The following NXPE4 variants were observed in gnomAD, a reference collection of about 807,000 sequenced individuals.
NXPE4 encodes the protein neurexophilin and PC-esterase domain family member 4, also known as NXPE family member 4.
Under a neutral mutation model 33.3 loss-of-function variants are expected in NXPE4, and 42 were observed. The ratio of observed to expected loss-of-function variants is 1.26; its 90% CI spans 0.98 to 1.63. NXPE4 has a LOEUF of 1.63. NXPE4 is among the 40% of genes most tolerant of loss of function. The pLI, the probability that NXPE4 is intolerant of heterozygous loss-of-function variation, is 0.00. For synonymous variants in NXPE4, 253 were observed against 234.9 expected (o/e 1.08, Z -0.71); for missense variants, 709 against 647.6 (o/e 1.09, Z -1.03).
At chr11:114,650,012 G>A in the NXPE4 span, among the ~76,000 whole-genome samples, 1 of 152,116 alleles carries the variant, frequency 6.6e-6, no homozygotes, top group Non-Finnish European at 1.5e-5. Flanking sequence ...GGTCAATAAA[G>A]ATTTCTGTTT....
At chr11:114,642,457 T>C in the NXPE4 span, among the ~76,000 whole-genome samples, 1 of 151,894 alleles carries the variant, frequency 6.6e-6, no homozygotes, top group East Asian at 1.9e-4. Flanking sequence ...AGGTGTGTGA[T>C]TTTCCCCTCC....
chr11:114,671,910 T>A, the NXPE4 span, among the ~76,000 whole-genome samples: 1 of 152,012 alleles, frequency 6.6e-6, no homozygotes. Context: ...TGAGACTGGG[T>A]AATTTATAAG....
At position 114,571,077 on chromosome 11, in the gene NXPE4, A is replaced by T. The variant is rs1013141191; in HGVS notation, c.1496T>A (p.Ile499Lys). ...DFHGYIQYLI[I>K]KDIFQDLSVS... is the part of the protein sequence containing the mutation. The stretch of plus-strand genomic sequence containing the variant: ...ACTGAGATCCTGGAAAATGTCCTTT[A>T]TGATGAGATATTGAATGTAACCATG... Residue 499 changes from isoleucine to lysine, a missense_variant, in exon 6 of 6, where the codon ATA becomes AAA. By Grantham distance (102) the Ile-to-Lys change is moderately radical. Coordinates refer to ENST00000375478, the MANE Select transcript of NXPE4 (RefSeq NM_001077639.2). 5.6e-6 allele frequency: 9 copies of T among 1,613,918 alleles called. No individual in the cohort carries two copies. In the African/African-American group the frequency reaches 9.3e-5, roughly 17 times the overall value.
At chr11:114,573,140 T>C (rs1013130664) in intron 5 of NXPE4, among the ~76,000 whole-genome samples, 4 of 152,090 alleles carry the variant, frequency 2.6e-5, no homozygotes, top group Non-Finnish European at 5.9e-5. Flanking sequence ...AAAGATAGTC[T>C]TTTCGAGACA....
At chr11:114,579,368 G>A (rs2135213235) in intron 5 of NXPE4, among the ~76,000 whole-genome samples, 1 of 152,250 alleles carries the variant, frequency 6.6e-6, no homozygotes, top group Middle Eastern at 3.4e-3. Context: ...AGATTTGGAG[G>A]GGACAATCAG....
the NXPE4 span, among the ~76,000 whole-genome samples, chr11:114,653,672 C>G: frequency 6.6e-6 from 1 of 151,740 alleles, no homozygotes; most frequent in African/African-American, 2.4e-5. Context: ...GGACTACAGG[C>G]GCCCACCACT....
chr11:114,646,866 A>C, the NXPE4 span, among the ~76,000 whole-genome samples: 6 of 152,346 alleles, frequency 3.9e-5, no homozygotes, highest in African/African-American at 1.4e-4. Context: ...AAAAAACAAA[A>C]AACAGAGCAA....
In NXPE4 at chr11:114,580,941, G is replaced by A. The variant is rs544492847; in HGVS notation, c.893-603C>T. 3.3e-5 allele frequency among the ~76,000 whole-genome samples: 5 copies of A among 152,268 alleles called. No individual in the cohort carries two copies. The South Asian group carries it at 1.0e-3, about 32-fold the overall frequency. ...AGGTTGAGGTAGCCACAATGGTGAG[G>A]AGCCCGTGGCAGGTTTGATTATTAA... On this transcript the variant is annotated intron_variant, in intron 4 of 5. Coordinates refer to ENST00000375478, the MANE Select transcript of NXPE4 (RefSeq NM_001077639.2).
intron 2 of NXPE4, among the ~76,000 whole-genome samples, chr11:114,589,088 G>T (rs563900020): frequency 6.6e-6 from 1 of 152,250 alleles, no homozygotes; most frequent in Admixed American, 6.5e-5. Context: ...TCTGCGAGTT[G>T]CTATTGATGT....
the NXPE4 span, among the ~76,000 whole-genome samples, chr11:114,663,128 T>A: frequency 1.3e-5 from 2 of 152,152 alleles, no homozygotes; most frequent in Middle Eastern, 3.2e-3. Context: ...TGAAGAGCCC[T>A]TGGGCCTTAA....
chr11:114,648,265 A>G, the NXPE4 span, among the ~76,000 whole-genome samples: 4 of 152,114 alleles, frequency 2.6e-5, no homozygotes, highest in Non-Finnish European at 5.9e-5. Context: ...AGGCATGAGA[A>G]CCAGGAGAGC....
the NXPE4 span, among the ~76,000 whole-genome samples, chr11:114,663,659 T>TATCTATCATCTATC: frequency 4.0e-5 from 4 of 101,178 alleles, no homozygotes; most frequent in African/African-American, 1.3e-4. Context: ...TATCATCTAT[T>TATCTATCATCTATC]TATCTATCAT....
the NXPE4 span, among the ~76,000 whole-genome samples, chr11:114,620,609 G>A: frequency 4.7e-5 from 7 of 150,020 alleles, no homozygotes; most frequent in African/African-American, 7.4e-5. Context: ...CCACTGTTAC[G>A]CGGTGGATAA....
the NXPE4 span, among the ~76,000 whole-genome samples, chr11:114,625,429 C>G: frequency 2.0e-5 from 3 of 150,834 alleles, no homozygotes; most frequent in Non-Finnish European, 4.4e-5. Flanking sequence ...ACTTCTACCA[C>G]ATGGATAATA....
the NXPE4 span, among the ~76,000 whole-genome samples, chr11:114,611,880 T>C: frequency 1.3e-5 from 2 of 151,926 alleles, no homozygotes; most frequent in Admixed American, 1.3e-4. Flanking sequence ...ATGAGAAATA[T>C]TGCCTCATGG....
chr11:114,629,090 G>C, the NXPE4 span, among the ~76,000 whole-genome samples: 20 of 152,116 alleles, frequency 1.3e-4, no homozygotes, highest in Non-Finnish European at 2.6e-4. Flanking sequence ...TTCTACCAGA[G>C]GTACAAGGAG....
chr11:114,609,527 T>C, the NXPE4 span, among the ~76,000 whole-genome samples: 1 of 151,876 alleles, frequency 6.6e-6, no homozygotes, highest in East Asian at 1.9e-4. Flanking sequence ...GCTTCGTGGG[T>C]AACCACTGTT....
At chr11:114,669,706 T>C in the NXPE4 span, among the ~76,000 whole-genome samples, 3 of 151,998 alleles carry the variant, frequency 2.0e-5, no homozygotes, top group Non-Finnish European at 4.4e-5. Context: ...GAGAGGCAGG[T>C]CATAGCAACA....
the NXPE4 span, among the ~76,000 whole-genome samples, chr11:114,662,290 A>G: frequency 6.6e-6 from 1 of 152,204 alleles, no homozygotes; most frequent in East Asian, 1.9e-4. Context: ...CTGTTATAGC[A>G]GACAGCAAAA....
Sources: gnomAD v4.1 joint callset for allele counts (sites outside exome capture counted in the v4.1 genomes callset) on GRCh38, gnomAD v4.1.1 for gene constraint, MANE v1.5 for transcripts, NCBI Gene and HGNC (gene_info 2026-07-23, HGNC 2026-07-21) for gene names.